Variants in KNTC1 observed in about 807,000 individuals in gnomAD.
KNTC1 encodes kinetochore associated 1, also known as kinetochore-associated protein 1.
KNTC1 carries 253 observed loss-of-function variants against 314.4 expected under a neutral mutation model. The observed-to-expected ratio is 0.80, with a 90% CI of 0.73 to 0.89. The LOEUF is 0.89. Ranked by LOEUF, KNTC1 falls within the 40% of genes least tolerant of loss-of-function variation. The pLI is 0.00. For synonymous variants in KNTC1, 901 were observed against 901.4 expected (o/e 1.00, Z 0.01); for missense variants, 2,475 against 2,572.9 (o/e 0.96, Z 0.82).
At chr12:122,617,385 T>C (rs1873876958) in intron 57 of KNTC1, 1 of 448,484 alleles carries the variant, frequency 2.2e-6, no homozygotes, top group Non-Finnish European at 4.5e-6. Flanking sequence ...TTCTTTCCTC[T>C]TTTTTTTCTT....
At chr12:122,527,720 C>T (rs1158503158) in intron 1 of KNTC1, 1 of 152,306 alleles carries the variant, frequency 6.6e-6, no homozygotes, top group Non-Finnish European at 1.5e-5. Context: ...TCACTGTCTT[C>T]TGCTTTTGCT....
intron 16 of KNTC1, among the ~76,000 whole-genome samples, chr12:122,554,822 T>C (rs914927799): frequency 6.6e-6 from 1 of 152,190 alleles, no homozygotes; most frequent in African/African-American, 2.4e-5. Context: ...AATTTGAGTA[T>C]TTGTAACTCT....
In KNTC1 at chr12:122,610,828, G is replaced by A. The variant is rs370414071; in HGVS notation, c.5550G>A (p.Gln1850=). 2.5e-6 allele frequency: 4 copies of A among 1,610,860 alleles called. No individual in the cohort carries two copies. Among genetic ancestry groups the A allele is most frequent in the South Asian group, 2.2e-5 (2 of 90,960 alleles). ...LQEDEALRRV[Q]YLLLSRPIDY... is the part of the protein sequence containing the mutation. The stretch of plus-strand genomic sequence containing the variant: ...ATTAAAATTTTTTTTCCAGAGTGCA[G>A]TATCTCCTCCTGTCTCGTCCAATTG... Residue 1850 remains glutamine (Q), a synonymous_variant, in exon 53 of 64, where the codon CAG becomes CAA. Transcript: ENST00000333479.
chr12:122,595,096 G>A (rs1470689511), intron 43 of KNTC1, among the ~76,000 whole-genome samples: 16 of 152,114 alleles, frequency 1.1e-4, no homozygotes, highest in African/African-American at 2.9e-4. Flanking sequence ...GGCTGGTCCC[G>A]AACTCCTGAC....
intron 59 of KNTC1, among the ~76,000 whole-genome samples, chr12:122,619,890 T>G (rs953183732): frequency 2.0e-5 from 3 of 152,000 alleles, no homozygotes; most frequent in African/African-American, 7.2e-5. Flanking sequence ...GTCTTCTGGC[T>G]GGGTGCGGCG....
Position 122,609,420 on chromosome 12 carries a change from GC to G in KNTC1, c.5536del (p.Leu1846TyrfsTer31), listed in dbSNP as rs1163880948. 1 of 1,579,854 alleles carries G rather than the reference GC, an allele frequency of 6.3e-7. No homozygotes were observed. The highest frequency in any genetic ancestry group is 8.6e-7 in the Non-Finnish European group (1 of 1,159,556). On this transcript the variant is annotated frameshift_variant, in exon 52 of 64. Transcript: ENST00000333479. LOFTEE classifies it high-confidence loss of function. The part of the protein sequence containing the change: ...SELFELQEDE[A>X]LRRVQYLLLS... ...ATTATTTGAACTTCAAGAAGATGAA[GC>G]CCTACGAAGGTACTCTTTTCCTTTA...
chr12:122,613,211 A>G lies in KNTC1; in HGVS notation c.5722A>G (p.Lys1908Glu). The change falls in exon 54 of 64, where the codon AAA becomes GAA. Residue 1908 changes from lysine to glutamate, a missense_variant. By Grantham distance (56) the Lys-to-Glu change is moderately conservative (BLOSUM62 1). Transcript: ENST00000333479. ...GGAAACTATAGAATCTCTCTTTAAAAAACCCATTGAAGAAGTGAAGTAAGT... is the reference window on the plus strand; with the variant it reads ...GGAAACTATAGAATCTCTCTTTAAAGAACCCATTGAAGAAGTGAAGTAAGT... ...DKETIESLFK[K>E]PIEEVKSYLR... is the part of the protein sequence containing the mutation. The G allele has an allele frequency of 1.3e-6, 2 of 1,595,954 alleles. No individual in the cohort carries two copies. Among genetic ancestry groups the G allele is most frequent in the Non-Finnish European group, 1.7e-6 (2 of 1,164,642 alleles).
chr12:122,544,425 TTC>T (rs946859541), intron 8 of KNTC1, among the ~76,000 whole-genome samples, 156 bp downstream of exon 8: 3 of 152,276 alleles, frequency 2.0e-5, no homozygotes, highest in African/African-American at 7.2e-5. Context: ...ATAAATAAAT[TTC>T]TGTCTTGGAA....
intron 10 of KNTC1, among the ~76,000 whole-genome samples, 155 bp downstream of exon 10, chr12:122,546,829 G>A (rs1962805273): frequency 7.0e-6 from 1 of 143,750 alleles, no homozygotes; most frequent in Admixed American, 7.0e-5. Flanking sequence ...ATCCTGAAAT[G>A]TAATTTTTTT....
At chr12:122,536,521 CTTT>C (rs77728043) in intron 3 of KNTC1, among the ~76,000 whole-genome samples, 1 of 140,448 alleles carries the variant, frequency 7.1e-6, no homozygotes, top group Non-Finnish European at 1.6e-5. Flanking sequence ...CGTGCCAGGC[CTTT>C]TTTTTTTTTT....
At position 122,603,500 on chromosome 12, in the gene KNTC1, C is replaced by CT. The variant is rs1247566804; in HGVS notation, c.5101+268dup. 2.0e-3 allele frequency among the ~76,000 whole-genome samples: 290 copies of CT among 145,540 alleles called. 2 individuals are homozygous for CT. Among genetic ancestry groups the CT allele is most frequent in the African/African-American group, 4.9e-3 (196 of 39,972 alleles). On this transcript the variant is annotated intron_variant, in intron 48 of 63. Coordinates refer to ENST00000333479, the MANE Select transcript of KNTC1 (RefSeq NM_014708.6). The stretch of plus-strand genomic sequence containing the variant: ...TACTTTTAATATCCAATCACACTTT[C>CT]TTTTTTTTTTTGAGATGGAGTCTTG...
Position 122,546,254 on chromosome 12 carries a change from G to A in KNTC1, c.748G>A (p.Ala250Thr). 1 of 1,574,912 alleles carries A rather than the reference G, an allele frequency of 6.3e-7. No homozygotes were observed. Among genetic ancestry groups the A allele is most frequent in the Non-Finnish European group, 8.7e-7 (1 of 1,145,560 alleles). The stretch of plus-strand genomic sequence containing the variant: ...AATGACAGTTAAGAACCTTATTGAT[G>A]CAGAGATTATTAAAGGTAAAATAAG... The part of the protein sequence containing the change: ...KGMTVKNLID[A>T]EIIKGAKKFQ... The change falls in exon 9 of 64, where the codon GCA becomes ACA. Residue 250 changes from alanine (A) to threonine (T), a missense_variant. Coordinates refer to ENST00000333479, the MANE Select transcript of KNTC1 (RefSeq NM_014708.6).
At chr12:122,616,682 G>A (rs747406584) in intron 57 of KNTC1, among the ~76,000 whole-genome samples, 9 of 152,144 alleles carry the variant, frequency 5.9e-5, no homozygotes, top group Non-Finnish European at 1.3e-4. Flanking sequence ...CATAACAGTG[G>A]TCTCTGGAGA....
At chr12:122,556,390 C>G (rs1247566881) in intron 16 of KNTC1, among the ~76,000 whole-genome samples, 1 of 151,926 alleles carries the variant, frequency 6.6e-6, no homozygotes, top group Non-Finnish European at 1.5e-5. Context: ...ATTCCTCCTT[C>G]TAACTGAAGC....
intron 3 of KNTC1, among the ~76,000 whole-genome samples, chr12:122,537,222 T>A (rs1961911606): frequency 6.6e-6 from 1 of 152,194 alleles, no homozygotes; most frequent in Admixed American, 6.5e-5. Context: ...ACCATCTGAA[T>A]GCTCGGAATG....
intron 48 of KNTC1, 141 bp downstream of exon 48, chr12:122,603,384 C>T (rs1872197941): frequency 2.9e-6 from 2 of 690,252 alleles, no homozygotes; most frequent in Admixed American, 3.1e-5. Flanking sequence ...CGCTCAAGGG[C>T]AGTGGGCATG....
chr12:122,557,364 G>A lies in KNTC1; in HGVS notation c.1273-20G>A. 6.2e-7 allele frequency: 1 copy of A among 1,602,882 alleles called. No homozygotes were observed. Among genetic ancestry groups the A allele is most frequent in the Non-Finnish European group, 8.5e-7 (1 of 1,174,098 alleles). On this transcript the variant is annotated intron_variant, in intron 16 of 63. Coordinates refer to ENST00000333479, the MANE Select transcript of KNTC1 (RefSeq NM_014708.6). Reference sequence around the variant, plus strand: ...ATTATTGTACTTCAAATTGCTTGATGTGGCGTGTTTATATTACAGCTTGTT... The same window carrying A: ...ATTATTGTACTTCAAATTGCTTGATATGGCGTGTTTATATTACAGCTTGTT...
At chr12:122,554,598 TTTACA>T (rs1963448508) in intron 16 of KNTC1, among the ~76,000 whole-genome samples, 1 of 152,156 alleles carries the variant, frequency 6.6e-6, no homozygotes, top group African/African-American at 2.4e-5. Flanking sequence ...GTATTTATAA[TTTACA>T]TTATTACTTT....
At chr12:122,544,050 CA>C (rs34718872) in intron 7 of KNTC1, 108 bp from the exon 8 acceptor site, 73,869 of 323,864 alleles carry the variant, frequency 0.23, 27 homozygotes, top group Middle Eastern at 0.27. Flanking sequence ...ACTCTGTCTC[CA>C]AAAAAAAAAA....
Sources: allele counts gnomAD v4.1 joint callset (sites outside exome capture counted in the v4.1 genomes callset), GRCh38; gene constraint gnomAD v4.1.1; transcripts MANE v1.5; gene names NCBI Gene and HGNC (gene_info 2026-07-23, HGNC 2026-07-21).